Variants in KCNK17 observed in about 807,000 individuals in gnomAD.
KCNK17 encodes the protein potassium channel subfamily K member 17.
KCNK17 carries 27 observed loss-of-function variants against 24.6 expected under a neutral mutation model. The observed-to-expected ratio is 1.10, with a 90% CI of 0.81 to 1.51. KCNK17 has a LOEUF of 1.51. Among genes scored for constraint, KCNK17 ranks in the 40% most tolerant of loss-of-function variants. The probability of loss-of-function intolerance (pLI) is 0.00; values close to 1 mark genes in which losing one functional copy is unlikely to be tolerated. For synonymous variants in KCNK17, 181 were observed against 189.8 expected (o/e 0.95, Z 0.38); for missense variants, 450 against 436.6 (o/e 1.03, Z -0.27).
intron 4 of KCNK17, 53 bp from the exon 5 acceptor site, chr6:39,299,790 T>C: frequency 6.4e-7 from 1 of 1,550,416 alleles, no homozygotes. Context: ...CAGGACCACA[T>C]TCCCCAAACA....
At chr6:39,299,830 A>G in intron 4 of KCNK17, 93 bp from the exon 5 acceptor site, 5 of 1,354,442 alleles carry the variant, frequency 3.7e-6, no homozygotes, top group Non-Finnish European at 5.1e-6. Context: ...TGATTCATAT[A>G]AGCAAGTTGA....
intron 3 of KCNK17, 160 bp downstream of exon 3, chr6:39,304,335 T>C: frequency 2.5e-6 from 2 of 793,410 alleles, no homozygotes; most frequent in Non-Finnish European, 2.0e-6. Context: ...ATTAATGCCC[T>C]TTTTCACTAA....
rs770569264 is a variant in KCNK17 at position 39,304,665 on chromosome 6, GAGGGGGCACTC to G, written c.353-21_353-11del. 56 of 1,604,982 alleles carry G rather than the reference GAGGGGGCACTC, an allele frequency of 3.5e-5. No homozygotes were observed. The highest frequency in any genetic ancestry group is 2.2e-4 in the South Asian group (20 of 90,916). ...CTCAGGTTGCCATAGCCTGAGGTGA[GAGGGGGCACTC>G]AGGGGACATTTCCAGCCCAGCCCTG... On this transcript the variant is annotated splice_polypyrimidine_tract_variant and intron_variant, in intron 2 of 4. Coordinates refer to ENST00000373231, the MANE Select transcript of KCNK17 (RefSeq NM_031460.4).
chr6:39,310,890 T>C lies in KCNK17; in HGVS notation c.352+3A>G. ...CATCCCCCTGGCCCCATCTGGCCCT[T>C]ACCAATGGTGGTGATGGTGGACACA... is the stretch of plus-strand genomic sequence containing the variant. On this transcript the variant is annotated splice_donor_region_variant and intron_variant, in intron 2 of 4. Coordinates refer to ENST00000373231, the MANE Select transcript of KCNK17 (RefSeq NM_031460.4). 1.3e-6 allele frequency: 2 copies of C among 1,581,088 alleles called. No individual in the cohort carries two copies. The highest frequency in any genetic ancestry group is 1.7e-6 in the Non-Finnish European group (2 of 1,154,804).
chr6:39,305,017 G>C (rs916832019), intron 2 of KCNK17, among the ~76,000 whole-genome samples: 1 of 152,186 alleles, frequency 6.6e-6, no homozygotes, highest in African/African-American at 2.4e-5. Flanking sequence ...GATGCTGGAG[G>C]GGGCAGAGCC....
rs1206520169 is a variant in KCNK17 at position 39,304,591 on chromosome 6, CA to C, written c.416del (p.Val139GlyfsTer21). The C allele has an allele frequency of 1.2e-5, 20 of 1,614,106 alleles. No individual in the cohort carries two copies. The highest frequency in any genetic ancestry group is 1.4e-5 in the Non-Finnish European group (17 of 1,179,980). On this transcript the variant is annotated frameshift_variant, in exon 3 of 5. Coordinates refer to ENST00000373231, the MANE Select transcript of KCNK17 (RefSeq NM_031460.4). LOFTEE classifies it high-confidence loss of function. ...GCACCACGAGGTTGAGTGGGATCCC[CA>C]CAAGGGCAAAGAAGATGCAGAAGAG... ...ARLFCIFFAL[V>X]GIPLNLVVLN...
chr6:39,304,349 C>T lies in KCNK17; in HGVS notation c.513+146G>A, dbSNP rs1297444128. 8 of 824,404 alleles carry T rather than the reference C, an allele frequency of 9.7e-6. No homozygotes were observed. In the Admixed American group the frequency reaches 1.4e-4, roughly 15 times the overall value. The allele number at this position is 824,404 out of a possible 1,614,324, so 51.1% of individuals were successfully genotyped here. A position where few individuals can be genotyped will look rare whatever the true frequency, so the allele number is the denominator to read the frequency against. ...CATTAATGCCCTTTTTCACTAAGGACCCTATTCTGAGCAGTGACCCCCAAT... is the reference window on the plus strand; with the variant it reads ...CATTAATGCCCTTTTTCACTAAGGATCCTATTCTGAGCAGTGACCCCCAAT... On this transcript the variant is annotated intron_variant, in intron 3 of 4. Coordinates refer to ENST00000373231, the MANE Select transcript of KCNK17 (RefSeq NM_031460.4).
At chr6:39,314,010 C>T (rs1217403667) in intron 1 of KCNK17, 74 bp downstream of exon 1, 15 of 1,174,802 alleles carry the variant, frequency 1.3e-5, no homozygotes, top group Non-Finnish European at 1.7e-5. Context: ...TAGGCCCCCT[C>T]GCCCTCGGCC....
Position 39,310,906 on chromosome 6 carries a change from G to A in KCNK17, c.339C>T (p.Thr113=), listed in dbSNP as rs145488671. The A allele has an allele frequency of 1.5e-4, 224 of 1,511,914 alleles. No individual in the cohort carries two copies. The highest frequency in any genetic ancestry group is 7.8e-4 in the Admixed American group (45 of 57,562). 93.7% of individuals were successfully genotyped at this position (1,511,914 alleles called of 1,614,324 possible). A position where few individuals can be genotyped will look rare whatever the true frequency, so the allele number is the denominator to read the frequency against. The part of the protein sequence containing the change: ...LVGSFFFSVS[T]ITTIGYGNLS... The stretch of plus-strand genomic sequence containing the variant: ...TCTGGCCCTTACCAATGGTGGTGAT[G>A]GTGGACACAGAAAAGAAGAAGGAGC... The change falls in exon 2 of 5, where the codon ACC becomes ACT. Residue 113 remains threonine, a synonymous_variant. Transcript: ENST00000373231.
At chr6:39,302,308 T>C (rs955472030) in intron 4 of KCNK17, among the ~76,000 whole-genome samples, 5 of 151,562 alleles carry the variant, frequency 3.3e-5, no homozygotes, top group African/African-American at 4.8e-5. Flanking sequence ...AGTCAGATTG[T>C]ATTGGTAGGA....
At position 39,314,367 on chromosome 6, in the gene KCNK17, C is replaced by T; in HGVS notation, c.-47G>A. 7.7e-7 allele frequency: 1 copy of T among 1,303,170 alleles called. No homozygotes were observed. The highest frequency in any genetic ancestry group is 1.0e-6 in the Non-Finnish European group (1 of 1,000,938). 80.7% of individuals were successfully genotyped at this position (1,303,170 alleles called of 1,614,324 possible). A position where few individuals can be genotyped will look rare whatever the true frequency, so the allele number is the denominator to read the frequency against. On this transcript the variant is annotated 5_prime_UTR_variant, in exon 1 of 5. Transcript: ENST00000373231. ...GCGCCGGGAGCGGTGGACTAGGACC[C>T]GGTGGGAGGGAAGGGCCAGGCGTCC...
At chr6:39,306,061 TGA>T (rs1583768039) in intron 2 of KCNK17, among the ~76,000 whole-genome samples, 62 of 151,086 alleles carry the variant, frequency 4.1e-4, no homozygotes, top group African/African-American at 1.4e-3. Flanking sequence ...TTTTTTTTTT[TGA>T]GACGTAGTTT....
chr6:39,299,401 G>A lies in KCNK17; in HGVS notation c.*26C>T, dbSNP rs369822410. On this transcript the variant is annotated 3_prime_UTR_variant, in exon 5 of 5. Coordinates refer to ENST00000373231, the MANE Select transcript of KCNK17 (RefSeq NM_031460.4). ...TAAAATCAGGGGTCTTGCTACCGAG[G>A]ACGACGACCAAAGAATGGAGTATAA... 2.5e-6 allele frequency: 4 copies of A among 1,574,726 alleles called. No homozygotes were observed. The highest frequency in any genetic ancestry group is 3.5e-6 in the Non-Finnish European group (4 of 1,150,332).
At chr6:39,306,094 A>G (rs1454506230) in intron 2 of KCNK17, among the ~76,000 whole-genome samples, 1 of 144,634 alleles carries the variant, frequency 6.9e-6, no homozygotes, top group African/African-American at 2.6e-5. Context: ...CCCAGGCTGG[A>G]GTGCACTGGC....
intron 3 of KCNK17, 80 bp from the exon 4 acceptor site, chr6:39,304,211 G>C: frequency 7.2e-7 from 1 of 1,380,416 alleles, no homozygotes; most frequent in Non-Finnish European, 9.9e-7. Flanking sequence ...AGGCAGGCCA[G>C]AGCTGTCCCC....
chr6:39,310,885 G>T lies in KCNK17; in HGVS notation c.352+8C>A, dbSNP rs201611312. ...ACCCCCATCCCCCTGGCCCCATCTG[G>T]CCCTTACCAATGGTGGTGATGGTGG... On this transcript the variant is annotated splice_region_variant and intron_variant, in intron 2 of 4. Transcript: ENST00000373231. 407 of 1,576,406 alleles carry T rather than the reference G, an allele frequency of 2.6e-4. No individual in the cohort carries two copies. Among genetic ancestry groups the T allele is most frequent in the Non-Finnish European group, 2.9e-4 (334 of 1,150,902 alleles).
At chr6:39,313,451 C>T (rs1425840184) in intron 1 of KCNK17, among the ~76,000 whole-genome samples, 1 of 152,202 alleles carries the variant, frequency 6.6e-6, no homozygotes, top group Non-Finnish European at 1.5e-5. Context: ...AGCCCCCTCT[C>T]TGCGTTGAGG....
chr6:39,311,380 G>A (rs549938223), intron 1 of KCNK17, among the ~76,000 whole-genome samples: 13 of 152,202 alleles, frequency 8.5e-5, no homozygotes, highest in African/African-American at 2.6e-4. Flanking sequence ...TTTAGGGGAC[G>A]TGACCACAAG....
intron 4 of KCNK17, chr6:39,300,654 G>A: frequency 1.1e-6 from 1 of 895,330 alleles, no homozygotes; most frequent in Non-Finnish European, 1.7e-6. Context: ...TTGGCTTTTA[G>A]GATGAAGTCC....
Sources: gnomAD v4.1 joint callset for allele counts (sites outside exome capture counted in the v4.1 genomes callset) on GRCh38, gnomAD v4.1.1 for gene constraint, MANE v1.5 for transcripts, NCBI Gene and HGNC (gene_info 2026-07-23, HGNC 2026-07-21) for gene names.